ST6GAL1: variants seen among roughly 807,000 people sequenced by gnomAD.
ST6GAL1 encodes ST6 beta-galactoside alpha-2,6-sialyltransferase 1.
Under a neutral mutation model 38.0 loss-of-function variants are expected in ST6GAL1, and 20 were observed. That is an observed-to-expected ratio of 0.53 (90% CI 0.37 to 0.77). The LOEUF (loss-of-function observed/expected upper bound fraction) is 0.77. Ranked by LOEUF, ST6GAL1 falls within the 30% of genes least tolerant of loss-of-function variation. The probability of loss-of-function intolerance (pLI) is 0.00; values close to 1 mark genes in which losing one functional copy is unlikely to be tolerated. For missense variants in ST6GAL1, 432 were observed against 496.4 expected, an observed-to-expected ratio of 0.87 and a Z score of 1.23; for synonymous variants, 196 against 188.2, an observed-to-expected ratio of 1.04 and a Z score of -0.34.
chr3:186,989,619 A>C lies in ST6GAL1; in HGVS notation c.-183+25693A>C, dbSNP rs1237150896. Among the ~76,000 whole-genome samples the C allele has an allele frequency of 6.6e-5, 10 of 152,238 alleles. 1 individual carries two copies. Among genetic ancestry groups the C allele is most frequent in the Non-Finnish European group, 1.2e-4 (8 of 68,040 alleles). ...AGGGAACCTGGATAACATTGTTGGC[A>C]GGCTAGTGGGAGCTGGCAGAAAGCT... On this transcript the variant is annotated intron_variant, in intron 2 of 7. Coordinates refer to ENST00000169298, the MANE Select transcript of ST6GAL1 (RefSeq NM_173216.2).
chr3:186,952,547 C>T lies in ST6GAL1; in HGVS notation c.-324-11238C>T, dbSNP rs1714617773. Among the ~76,000 whole-genome samples, 1 of 151,868 alleles carries T rather than the reference C, an allele frequency of 6.6e-6. No homozygotes were observed. Among genetic ancestry groups the T allele is most frequent in the Non-Finnish European group, 1.5e-5 (1 of 67,980 alleles). ...TGAGATGGAGTCTCACTCTCTTACC[C>T]AGGCTGGAGTGCAGTGGCGCGATCT... On this transcript the variant is annotated intron_variant, in intron 1 of 7. Transcript: ENST00000169298. This position sits in a 1 kb window ranked among gnomAD's most constrained non-coding sequence, Gnocchi z 4.1.
intron 1 of ST6GAL1, among the ~76,000 whole-genome samples, chr3:186,937,245 C>T (rs973823463): frequency 5.3e-5 from 8 of 152,100 alleles, no homozygotes; most frequent in South Asian, 4.1e-4. Flanking sequence ...AGCTGTTCGG[C>T]GTCTCCAAGG....
At position 187,050,206 on chromosome 3, in the gene ST6GAL1, A is replaced by G. The variant is rs537185277; in HGVS notation, c.608-1043A>G. 9.2e-5 allele frequency among the ~76,000 whole-genome samples: 14 copies of G among 152,316 alleles called. No individual in the cohort carries two copies. The South Asian group carries it at 2.9e-3, about 32-fold the overall frequency. ...TCCTGTGTGGATAAAGAATGATCCA[A>G]AACAAACCTGAATAGGACAATAGAG... On this transcript the variant is annotated intron_variant, in intron 4 of 7. Coordinates refer to ENST00000169298, the MANE Select transcript of ST6GAL1 (RefSeq NM_173216.2).
intron 1 of ST6GAL1, among the ~76,000 whole-genome samples, chr3:186,949,590 C>T (rs1714508002): frequency 6.6e-6 from 1 of 152,210 alleles, no homozygotes; most frequent in African/African-American, 2.4e-5. Context: ...CTTGAAGAGT[C>T]CTGCCCTTGT....
At chr3:187,059,043 C>T (rs1239538137) in intron 5 of ST6GAL1, among the ~76,000 whole-genome samples, 1 of 152,042 alleles carries the variant, frequency 6.6e-6, no homozygotes, top group Admixed American at 6.6e-5. Context: ...GAAAGATGGG[C>T]AGGACTTGGG....
intron 2 of ST6GAL1, among the ~76,000 whole-genome samples, chr3:186,981,221 G>A (rs759166460): frequency 6.6e-6 from 1 of 152,236 alleles, no homozygotes; most frequent in Non-Finnish European, 1.5e-5. Flanking sequence ...AGGACAGTGA[G>A]CTTTTGTAGG....
chr3:187,034,198 T>G (rs568376916), intron 2 of ST6GAL1, among the ~76,000 whole-genome samples: 5 of 152,122 alleles, frequency 3.3e-5, no homozygotes, highest in Admixed American at 1.3e-4. Context: ...TCTTTCAAGA[T>G]TGAATCAGGA....
rs186422898 is a variant in ST6GAL1, at chr3:186,959,121, A to G, written c.-324-4664A>G. Among the ~76,000 whole-genome samples the G allele has an allele frequency of 4.6e-5, 7 of 152,318 alleles. No individual in the cohort carries two copies. In the East Asian group the frequency reaches 1.3e-3, roughly 29 times the overall value. ...ACATATTAACAACACAATCAAATAAATGTGCAGAGGTACCCTCCTTTGGAA... is the reference window on the plus strand; with the variant it reads ...ACATATTAACAACACAATCAAATAAGTGTGCAGAGGTACCCTCCTTTGGAA... On this transcript the variant is annotated intron_variant, in intron 1 of 7. Transcript: ENST00000169298.
chr3:187,014,660 C>G (rs1371528841), intron 2 of ST6GAL1, among the ~76,000 whole-genome samples: 1 of 152,202 alleles, frequency 6.6e-6, no homozygotes, highest in Non-Finnish European at 1.5e-5. Flanking sequence ...GGGAAGGGCA[C>G]TGGCATGATT....
intron 2 of ST6GAL1, among the ~76,000 whole-genome samples, chr3:186,977,381 G>A (rs1715554554): frequency 1.3e-5 from 2 of 152,308 alleles, no homozygotes; most frequent in East Asian, 1.9e-4. Context: ...TAAGCCCCAG[G>A]GAGAATTTGG....
chr3:186,948,913 C>T (rs570701676), intron 1 of ST6GAL1: 9 of 152,406 alleles, frequency 5.9e-5, no homozygotes, highest in East Asian at 5.8e-4. Context: ...GCTCAGCTCC[C>T]GCGATGCTCC....
chr3:186,936,939 CAAAAAAA>C (rs60914982), intron 1 of ST6GAL1, among the ~76,000 whole-genome samples: 13 of 87,962 alleles, frequency 1.5e-4, no homozygotes, highest in African/African-American at 4.9e-4. Context: ...AAGACTGTCT[CAAAAAAA>C]AAAAAAAAAA....
chr3:186,931,339 G>A (rs1470304658), intron 1 of ST6GAL1: 8 of 152,358 alleles, frequency 5.3e-5, no homozygotes, highest in Non-Finnish European at 1.0e-4. Flanking sequence ...CCTCGGGGGA[G>A]GGAGTGGCTC....
chr3:187,048,091 T>C (rs147217214), intron 4 of ST6GAL1, among the ~76,000 whole-genome samples: 1,860 of 151,932 alleles, frequency 0.012, 30 homozygotes, highest in African/African-American at 0.039. Flanking sequence ...TACAGGCGCC[T>C]GCCACCATAC....
chr3:186,934,861 G>T (rs1344856730), intron 1 of ST6GAL1, among the ~76,000 whole-genome samples: 7 of 151,938 alleles, frequency 4.6e-5, no homozygotes, highest in Admixed American at 1.3e-4. Context: ...CCGCCTCCCG[G>T]GTTCACGCCA....
rs537281255 is a variant in ST6GAL1 at position 186,959,586 on chromosome 3, C to T, written c.-324-4199C>T. Among the ~76,000 whole-genome samples the T allele has an allele frequency of 7.5e-4, 114 of 152,206 alleles. 1 individual carries two copies. The South Asian group carries it at 0.015, about 20-fold the overall frequency. On this transcript the variant is annotated intron_variant, in intron 1 of 7. Coordinates refer to ENST00000169298, the MANE Select transcript of ST6GAL1 (RefSeq NM_173216.2). ...ATTATTAGGTCTAGGACAGGAGCCC[C>T]GTAATGTTGGATCTGGGCTCCCCAT...
chr3:187,046,518 T>G (rs905347403), intron 4 of ST6GAL1, among the ~76,000 whole-genome samples: 12 of 149,692 alleles, frequency 8.0e-5, no homozygotes, highest in African/African-American at 2.7e-4. Flanking sequence ...AGAAAAAGAT[T>G]TACATTTAAA....
chr3:187,048,876 T>C (rs1347126419), intron 4 of ST6GAL1, among the ~76,000 whole-genome samples: 2 of 133,368 alleles, frequency 1.5e-5, no homozygotes, highest in East Asian at 2.2e-4. Flanking sequence ...CCCTGAGAAA[T>C]TGAATTTTTT....
chr3:187,075,581 G>T lies in ST6GAL1; in HGVS notation c.999G>T (p.Thr333=). 1.2e-6 allele frequency: 2 copies of T among 1,614,184 alleles called. No individual in the cohort carries two copies. The highest frequency in any genetic ancestry group is 1.3e-5 in the African/African-American group (1 of 75,044). ...CTCCAGGTATCATCATCATGATGAC[G>T]CTGTGTGACCAGGTGGATATTTATG... ...SGMLGIIIMM[T]LCDQVDIYEF... The change falls in exon 8 of 8, where the codon ACG becomes ACT. Residue 333 remains threonine, a synonymous_variant. Coordinates refer to ENST00000169298, the MANE Select transcript of ST6GAL1 (RefSeq NM_173216.2). This position sits in a 1 kb window ranked among gnomAD's most constrained non-coding sequence, Gnocchi z 4.1.
Sources: allele counts gnomAD v4.1 joint callset (sites outside exome capture counted in the v4.1 genomes callset), GRCh38; gene constraint gnomAD v4.1.1; non-coding constraint Gnocchi (gnomAD v3.1); transcripts MANE v1.5; gene names NCBI Gene and HGNC (gene_info 2026-07-23, HGNC 2026-07-21).